The following GRID2 variants were observed in gnomAD, a reference collection of about 807,000 sequenced individuals.
GRID2 encodes glutamate receptor ionotropic, delta-2.
A neutral mutation model predicts 114.8 loss-of-function variants in GRID2; 33 were observed. The observed-to-expected ratio is 0.29, with a 90% CI of 0.22 to 0.38. The LOEUF (loss-of-function observed/expected upper bound fraction) is 0.38. Ranked by LOEUF, GRID2 falls within the 10% of genes least tolerant of loss-of-function variation. GRID2 has a pLI of 1.00. For missense variants in GRID2, 1,184 were observed against 1,257.7 expected (o/e 0.94, Z 0.89); for synonymous variants, 505 against 449.9 (o/e 1.12, Z -1.55).
chr4:93,131,476 C>T (rs1372345424), intron 4 of GRID2, among the ~76,000 whole-genome samples: 1 of 151,708 alleles, frequency 6.6e-6, no homozygotes, highest in African/African-American at 2.4e-5. Context: ...TTTTAAAATC[C>T]AGTCTAATCT....
chr4:93,224,750 G>T lies in GRID2; in HGVS notation c.1100G>T (p.Arg367Leu), dbSNP rs575224950. ...RKNSKPWQGG[R>L]SMLETIKKGG... ...AACTCAAAGCCCTGGCAGGGTGGGC[G>T]CTCCATGTTGGAGACCATCAAGAAG... Residue 367 changes from arginine (R) to leucine (L), a missense_variant, in exon 7 of 16, where the codon CGC (arginine) becomes CTC (leucine). This residue lies in a region of GRID2 where 717 missense variants were observed against 796.9 expected (regional missense o/e 0.90). Coordinates refer to ENST00000282020, the MANE Select transcript of GRID2 (RefSeq NM_001510.4). 1.2e-6 allele frequency: 2 copies of T among 1,612,318 alleles called. No individual in the cohort carries two copies. The highest frequency in any genetic ancestry group is 2.2e-5 in the East Asian group (1 of 44,812).
At chr4:92,682,536 C>A (rs1363456248) in intron 2 of GRID2, among the ~76,000 whole-genome samples, 2 of 152,032 alleles carry the variant, frequency 1.3e-5, no homozygotes, top group African/African-American at 2.4e-5. Context: ...ATGAGTATAC[C>A]ATTCAAACCC....
At chr4:92,814,707 T>A (rs976995606) in intron 2 of GRID2, among the ~76,000 whole-genome samples, 4 of 152,112 alleles carry the variant, frequency 2.6e-5, no homozygotes, top group Non-Finnish European at 5.9e-5. Context: ...AGACTGCACA[T>A]TGAAAGTTAA....
At chr4:92,761,100 C>G (rs1395872997) in intron 2 of GRID2, among the ~76,000 whole-genome samples, 1 of 151,876 alleles carries the variant, frequency 6.6e-6, no homozygotes, top group East Asian at 1.9e-4. Flanking sequence ...TTTATCCAAA[C>G]TTTGATCATT....
chr4:93,780,875 A>G (rs28699218), intron 1 of GRID2, among the ~76,000 whole-genome samples: 58,567 of 152,098 alleles, frequency 0.39, 12,060 homozygotes, highest in East Asian at 0.76. Flanking sequence ...ATGAAGAAGA[A>G]AAAGAGGCCA....
At chr4:93,088,293 C>T (rs1233912842) in intron 3 of GRID2, among the ~76,000 whole-genome samples, 1 of 152,036 alleles carries the variant, frequency 6.6e-6, no homozygotes, top group Non-Finnish European at 1.5e-5. Context: ...TTTTAAAATG[C>T]TTGAAAATAG....
At chr4:92,918,624 G>A (rs552053794) in intron 2 of GRID2, among the ~76,000 whole-genome samples, 20 of 152,128 alleles carry the variant, frequency 1.3e-4, no homozygotes, top group South Asian at 8.3e-4. Context: ...GGTTTTTGTC[G>A]TTGGTTCTGC....
chr4:93,262,385 A>G (rs1750350369), intron 8 of GRID2, among the ~76,000 whole-genome samples: 1 of 151,984 alleles, frequency 6.6e-6, no homozygotes, highest in African/African-American at 2.4e-5. Flanking sequence ...AACGTAAACC[A>G]TAAATGCCCA....
intron 1 of GRID2, among the ~76,000 whole-genome samples, chr4:92,390,476 G>A (rs1038686230): frequency 3.3e-5 from 5 of 152,144 alleles, no homozygotes; most frequent in African/African-American, 1.2e-4. Context: ...GCTGTGTTTA[G>A]TTCTGGCCCT....
chr4:92,943,222 T>C (rs995011193), intron 2 of GRID2, among the ~76,000 whole-genome samples: 3 of 152,196 alleles, frequency 2.0e-5, no homozygotes, highest in Admixed American at 1.3e-4. Flanking sequence ...AGACATAGAT[T>C]TGGTCTTTTC....
At chr4:93,803,985 A>G (rs957417453) in intron 1 of GRID2, among the ~76,000 whole-genome samples, 1 of 152,070 alleles carries the variant, frequency 6.6e-6, no homozygotes, top group African/African-American at 2.4e-5. Flanking sequence ...TATATCTTCA[A>G]TGTTAGGGAG....
chr4:93,428,013 T>A (rs1330214759), intron 10 of GRID2, among the ~76,000 whole-genome samples: 1 of 151,806 alleles, frequency 6.6e-6, no homozygotes, highest in Admixed American at 6.6e-5. Flanking sequence ...AAAAAGTATA[T>A]CAAGTTTAGG....
chr4:93,561,982 A>G (rs1272924476), intron 13 of GRID2, among the ~76,000 whole-genome samples: 1 of 152,154 alleles, frequency 6.6e-6, no homozygotes, highest in Non-Finnish European at 1.5e-5. Flanking sequence ...TAAAGCTGGT[A>G]TAAACATTCA....
chr4:93,004,643 C>T lies in GRID2; in HGVS notation c.245-80352C>T, dbSNP rs1379202260. 2.0e-5 allele frequency among the ~76,000 whole-genome samples: 3 copies of T among 151,990 alleles called. No homozygotes were observed. The East Asian group carries it at 5.8e-4, about 29-fold the overall frequency. On this transcript the variant is annotated intron_variant, in intron 2 of 15. Transcript: ENST00000282020. ...CTTATATCAATGAAGACCATGTACT[C>T]TTCTAATGAGTGTCACATCTTCCAC... is the stretch of plus-strand genomic sequence containing the variant.
chr4:93,010,742 T>A (rs1441576695), intron 2 of GRID2, among the ~76,000 whole-genome samples: 1 of 152,158 alleles, frequency 6.6e-6, no homozygotes, highest in Non-Finnish European at 1.5e-5. Flanking sequence ...GAACTAAAAA[T>A]TTTTCTAGAA....
chr4:93,790,263 T>C (rs997480397), intron 1 of GRID2, among the ~76,000 whole-genome samples: 5 of 152,120 alleles, frequency 3.3e-5, no homozygotes, highest in Non-Finnish European at 7.3e-5. Context: ...CTGAAGAGTT[T>C]CTCTGTACAT....
At chr4:92,660,666 A>G (rs890593493) in intron 2 of GRID2, among the ~76,000 whole-genome samples, 1 of 151,092 alleles carries the variant, frequency 6.6e-6, no homozygotes, top group Non-Finnish European at 1.5e-5. Flanking sequence ...CTACTCCTTC[A>G]TTCCATTTTT....
At chr4:93,073,700 C>G (rs987034046) in intron 2 of GRID2, among the ~76,000 whole-genome samples, 6 of 152,066 alleles carry the variant, frequency 3.9e-5, no homozygotes, top group Non-Finnish European at 7.4e-5. Flanking sequence ...ATGCAAAGAC[C>G]TATTGCTACT....
chr4:92,797,807 A>G (rs1739964101), intron 2 of GRID2, among the ~76,000 whole-genome samples: 1 of 152,088 alleles, frequency 6.6e-6, no homozygotes, highest in Admixed American at 6.6e-5. Context: ...GACTGGACCT[A>G]TGCAATTGAA....
Sources: gnomAD v4.1 joint callset for allele counts (sites outside exome capture counted in the v4.1 genomes callset) on GRCh38, gnomAD v4.1.1 for gene constraint, gnomAD v4.1.1 regional missense constraint, MANE v1.5 for transcripts, NCBI Gene and HGNC (gene_info 2026-07-23, HGNC 2026-07-21) for gene names.